C1orf21: variants seen among roughly 807,000 people sequenced by gnomAD.
C1orf21 encodes chromosome 1 open reading frame 21.
C1orf21 carries 3 observed loss-of-function variants against 18.7 expected under a neutral mutation model. The ratio of observed to expected loss-of-function variants is 0.16; its 90% CI spans 0.07 to 0.42. The LOEUF (loss-of-function observed/expected upper bound fraction) is 0.42. Among genes scored for constraint, C1orf21 ranks in the 10% least tolerant of loss-of-function variants. C1orf21 has a pLI of 0.99. For synonymous variants in C1orf21, 41 were observed against 46.4 expected (o/e 0.88, Z 0.47); for missense variants, 104 against 143.6 (o/e 0.72, Z 1.41).
At chr1:184,493,268 C>T (rs551432449) in intron 2 of C1orf21, among the ~76,000 whole-genome samples, 4 of 152,298 alleles carry the variant, frequency 2.6e-5, no homozygotes, top group Admixed American at 2.6e-4. Context: ...TGTTTATAGT[C>T]AGCTTTCTTC....
chr1:184,463,188 C>T (rs952835187), intron 1 of C1orf21, among the ~76,000 whole-genome samples: 3 of 151,882 alleles, frequency 2.0e-5, no homozygotes, highest in Non-Finnish European at 4.4e-5. Flanking sequence ...CAGCTATGAC[C>T]TAGACTTGTA....
intron 3 of C1orf21, among the ~76,000 whole-genome samples, chr1:184,562,119 A>G (rs1658975906): frequency 6.6e-6 from 1 of 152,206 alleles, no homozygotes; most frequent in South Asian, 2.1e-4. Flanking sequence ...AACAAACTAA[A>G]TGGTTCTAGA....
At chr1:184,574,254 C>T (rs774549571) in intron 3 of C1orf21, among the ~76,000 whole-genome samples, 4 of 152,156 alleles carry the variant, frequency 2.6e-5, no homozygotes, top group Non-Finnish European at 4.4e-5. Context: ...TTGGAAACAT[C>T]GGAAGACTCA....
chr1:184,515,301 T>G (rs746884043), intron 3 of C1orf21, among the ~76,000 whole-genome samples: 1 of 152,224 alleles, frequency 6.6e-6, no homozygotes, highest in Non-Finnish European at 1.5e-5. Flanking sequence ...GCTTTAAAAT[T>G]GATTTTTAAA....
chr1:184,475,895 T>C (rs779549966), intron 1 of C1orf21, among the ~76,000 whole-genome samples: 1 of 152,092 alleles, frequency 6.6e-6, no homozygotes, highest in Non-Finnish European at 1.5e-5. Flanking sequence ...ATCTTCCTGG[T>C]TTGTAGAACT....
intron 1 of C1orf21, among the ~76,000 whole-genome samples, chr1:184,440,947 TCTC>T (rs1274601018): frequency 6.6e-6 from 1 of 152,226 alleles, no homozygotes; most frequent in African/African-American, 2.4e-5. Flanking sequence ...ATAGAGAAGT[TCTC>T]CTTATTCAGT....
intron 3 of C1orf21, among the ~76,000 whole-genome samples, chr1:184,558,897 C>T (rs1299645220): frequency 6.6e-6 from 1 of 152,150 alleles, no homozygotes; most frequent in Non-Finnish European, 1.5e-5. Context: ...AATACTGGCC[C>T]TGTAGGCAGA....
At chr1:184,467,481 C>T (rs776304010) in intron 1 of C1orf21, among the ~76,000 whole-genome samples, 4 of 152,172 alleles carry the variant, frequency 2.6e-5, no homozygotes, top group Non-Finnish European at 5.9e-5. Context: ...CCTCCCTGCC[C>T]CAGCACAGCA....
intron 3 of C1orf21, among the ~76,000 whole-genome samples, chr1:184,544,372 C>T (rs1478437156): frequency 6.6e-6 from 1 of 152,030 alleles, no homozygotes; most frequent in Non-Finnish European, 1.5e-5. Flanking sequence ...GCTGATGAAG[C>T]CTGGTATGTG....
chr1:184,410,937 C>T (rs1018831428), intron 1 of C1orf21, among the ~76,000 whole-genome samples: 2 of 151,360 alleles, frequency 1.3e-5, no homozygotes, highest in African/African-American at 4.9e-5. Flanking sequence ...CAGGGGTGAG[C>T]CACCGCGCCT....
At chr1:184,551,058 T>G (rs1451219957) in intron 3 of C1orf21, among the ~76,000 whole-genome samples, 1 of 152,216 alleles carries the variant, frequency 6.6e-6, no homozygotes, top group Non-Finnish European at 1.5e-5. Context: ...AACAGTTTAG[T>G]GCCAGCATAG....
At chr1:184,405,974 A>C (rs1397537635) in intron 1 of C1orf21, among the ~76,000 whole-genome samples, 1 of 152,324 alleles carries the variant, frequency 6.6e-6, no homozygotes, top group Non-Finnish European at 1.5e-5. Context: ...AGTGATACTA[A>C]AACCCTCTTT....
chr1:184,453,257 A>T (rs1237218545), intron 1 of C1orf21, among the ~76,000 whole-genome samples: 1 of 152,186 alleles, frequency 6.6e-6, no homozygotes, highest in African/African-American at 2.4e-5. Flanking sequence ...TAACTAGCTG[A>T]CTTTGCCTTC....
intron 2 of C1orf21, among the ~76,000 whole-genome samples, chr1:184,501,068 C>T (rs923670968): frequency 6.6e-6 from 1 of 152,110 alleles, no homozygotes; most frequent in Non-Finnish European, 1.5e-5. Flanking sequence ...GGCAGAAAGC[C>T]CTGGATTAAG....
intron 3 of C1orf21, among the ~76,000 whole-genome samples, chr1:184,546,453 G>T (rs1253929929): frequency 2.0e-5 from 3 of 152,046 alleles, no homozygotes; most frequent in Non-Finnish European, 2.9e-5. Context: ...ACAAAAAAAT[G>T]CATTTAGCAT....
chr1:184,527,587 A>C (rs1182387153), intron 3 of C1orf21, among the ~76,000 whole-genome samples: 1 of 152,124 alleles, frequency 6.6e-6, no homozygotes, highest in Non-Finnish European at 1.5e-5. Context: ...CCAGATTTGG[A>C]GTGATGGGAC....
Position 184,601,834 on chromosome 1 carries a change from G to A in C1orf21, c.327+3373G>A, listed in dbSNP as rs184054702. On this transcript the variant is annotated intron_variant, in intron 5 of 5. Coordinates refer to ENST00000235307, the MANE Select transcript of C1orf21 (RefSeq NM_030806.4). Reference sequence around the variant, plus strand: ...GAAAATCACTTGAACTCGGGAGGTGGAAGTTGCAGTGAGCCGAGATCCTGC... The same window carrying A: ...GAAAATCACTTGAACTCGGGAGGTGAAAGTTGCAGTGAGCCGAGATCCTGC... Among the ~76,000 whole-genome samples, 3 of 152,002 alleles carry A rather than the reference G, an allele frequency of 2.0e-5. No individual in the cohort carries two copies. In the East Asian group the frequency reaches 5.8e-4, roughly 30 times the overall value.
chr1:184,597,736 G>A (rs1482294416), intron 4 of C1orf21, among the ~76,000 whole-genome samples: 5 of 152,122 alleles, frequency 3.3e-5, no homozygotes, highest in African/African-American at 9.6e-5. Flanking sequence ...ATCTTATTTT[G>A]TCCCCACCAG....
chr1:184,469,279 A>G (rs1012418794), intron 1 of C1orf21, among the ~76,000 whole-genome samples: 1 of 152,086 alleles, frequency 6.6e-6, no homozygotes, highest in Non-Finnish European at 1.5e-5. Flanking sequence ...AAAAAAAACT[A>G]TTCTCATGTT....
Sources: allele counts gnomAD v4.1 joint callset (sites outside exome capture counted in the v4.1 genomes callset), GRCh38; gene constraint gnomAD v4.1.1; transcripts MANE v1.5; gene names NCBI Gene and HGNC (gene_info 2026-07-23, HGNC 2026-07-21).